CALD1: variants seen among roughly 807,000 people sequenced by gnomAD.
The protein encoded by CALD1 is caldesmon 1.
CALD1 carries 33 observed loss-of-function variants against 99.9 expected under a neutral mutation model. The observed-to-expected ratio is 0.33, with a 90% CI of 0.25 to 0.44. The LOEUF (loss-of-function observed/expected upper bound fraction) is 0.44, where lower values mean the gene tolerates loss of function less well. Ranked by LOEUF, CALD1 falls within the 20% of genes least tolerant of loss-of-function variation. The pLI is 1.00. For synonymous variants in CALD1, 310 were observed against 325.0 expected (o/e 0.95, Z 0.50); for missense variants, 861 against 962.1 (o/e 0.89, Z 1.39).
At chr7:134,778,267 G>A (rs979315685), upstream of CALD1, among the ~76,000 whole-genome samples, 4 of 152,188 alleles carry the variant, frequency 2.6e-5, no homozygotes, top group African/African-American at 7.2e-5. Flanking sequence ...CCAACAGTGC[G>A]AACTGGCTAC....
chr7:134,819,758 C>T lies in CALD1; in HGVS notation c.-129-24126C>T, dbSNP rs149372032. On this transcript the variant is annotated intron_variant, in intron 1 of 14. Coordinates refer to ENST00000361675, the MANE Select transcript of CALD1 (RefSeq NM_033138.4). ...AGATGTGATGGCACGTGCCTGTGGT[C>T]CCAGCTACTTGGGAGGCTGAGGCAG... Among the ~76,000 whole-genome samples, 881 of 152,310 alleles carry T rather than the reference C, an allele frequency of 5.8e-3. 8 individuals are homozygous for T. Among genetic ancestry groups the T allele is most frequent in the Admixed American group, 9.0e-3 (137 of 15,284 alleles).
At chr7:134,747,505 T>C (rs1194385797) in intron 1 of CALD1, among the ~76,000 whole-genome samples, 3 of 152,258 alleles carry the variant, frequency 2.0e-5, no homozygotes, top group Non-Finnish European at 4.4e-5. Context: ...GACCTATTGT[T>C]CGAGACAATG....
intron 8 of CALD1, chr7:134,948,141 A>G (rs1488964874): frequency 6.0e-6 from 1 of 167,632 alleles, no homozygotes; most frequent in Non-Finnish European, 1.3e-5. Context: ...GAAAAGGATG[A>G]AAGGTCTGCA....
chr7:134,819,703 A>G (rs991097098), intron 1 of CALD1, among the ~76,000 whole-genome samples: 1 of 152,202 alleles, frequency 6.6e-6, no homozygotes, highest in African/African-American at 2.4e-5. Flanking sequence ...CCCAATGATG[A>G]CTATACGTAA....
intron 1 of CALD1, among the ~76,000 whole-genome samples, chr7:134,767,224 T>TGTGTGTGTGC (rs896456530): frequency 1.4e-4 from 20 of 148,038 alleles, no homozygotes; most frequent in African/African-American, 5.1e-4. Flanking sequence ...TGTGTGTGTG[T>TGTGTGTGTGC]GCGTGTGTGA....
chr7:134,857,453 G>A (rs761701885), intron 2 of CALD1, among the ~76,000 whole-genome samples: 3 of 151,882 alleles, frequency 2.0e-5, no homozygotes, highest in Non-Finnish European at 2.9e-5. Context: ...CACCGCGCCC[G>A]GCCAGTTTTG....
At chr7:134,805,546 C>T (rs1261862308) in intron 1 of CALD1, among the ~76,000 whole-genome samples, 1 of 152,088 alleles carries the variant, frequency 6.6e-6, no homozygotes, top group Non-Finnish European at 1.5e-5. Context: ...TGAGTTTTCT[C>T]TGTGTTCCTG....
At chr7:134,838,867 T>C (rs1234835943) in intron 1 of CALD1, among the ~76,000 whole-genome samples, 1 of 152,256 alleles carries the variant, frequency 6.6e-6, no homozygotes, top group East Asian at 1.9e-4. Flanking sequence ...TCCCTGGAGT[T>C]GTCATCTTTC....
chr7:134,928,718 T>C (rs768159176), intron 3 of CALD1, 36 bp from the exon 4 acceptor site: 3 of 1,599,642 alleles, frequency 1.9e-6, no homozygotes, highest in Non-Finnish European at 2.6e-6. Context: ...ACGTGGCAAG[T>C]GGCACGCTCA....
At position 134,807,383 on chromosome 7, in the gene CALD1, G is replaced by T. The variant is rs184464876; in HGVS notation, c.-130+27634G>T. On this transcript the variant is annotated intron_variant, in intron 1 of 14. Coordinates refer to ENST00000361675, the MANE Select transcript of CALD1 (RefSeq NM_033138.4). Reference sequence around the variant, plus strand: ...TTTTTCCCTATCAGTACTGTTCTGTGTCAAACTTCCTTTTATTACTAGCTA... The same window carrying T: ...TTTTTCCCTATCAGTACTGTTCTGTTTCAAACTTCCTTTTATTACTAGCTA... 1.5e-3 allele frequency among the ~76,000 whole-genome samples: 226 copies of T among 152,214 alleles called. 3 individuals carry two copies. The highest frequency in any genetic ancestry group is 5.0e-3 in the African/African-American group (209 of 41,520).
intron 6 of CALD1, among the ~76,000 whole-genome samples, chr7:134,936,044 G>A (rs1357704219): frequency 2.0e-5 from 3 of 152,056 alleles, no homozygotes; most frequent in African/African-American, 4.8e-5. Flanking sequence ...TTTTTTCTGT[G>A]GGACGTCATC....
intron 9 of CALD1, among the ~76,000 whole-genome samples, chr7:134,952,782 T>C (rs1012752605): frequency 3.9e-5 from 6 of 152,302 alleles, no homozygotes; most frequent in African/African-American, 1.2e-4. Flanking sequence ...TTAGTCTTTA[T>C]GATGGTCTAG....
At position 134,932,714 on chromosome 7, in the gene CALD1, G is replaced by A. The variant is rs78479768; in HGVS notation, c.219-274G>A. ...GGGTGCTGAGGTATCTAAACACTCAGGCTATCAATTTTTGTTTGAAAACTG... is the reference window on the plus strand; with the variant it reads ...GGGTGCTGAGGTATCTAAACACTCAAGCTATCAATTTTTGTTTGAAAACTG... On this transcript the variant is annotated intron_variant, in intron 4 of 14. Coordinates refer to ENST00000361675, the MANE Select transcript of CALD1 (RefSeq NM_033138.4). 1.7e-3 allele frequency among the ~76,000 whole-genome samples: 258 copies of A among 152,268 alleles called. 2 individuals carry two copies. In the East Asian group the frequency reaches 0.044, roughly 26 times the overall value.
chr7:134,915,748 TA>T (rs1256408171), intron 3 of CALD1, among the ~76,000 whole-genome samples: 1 of 152,220 alleles, frequency 6.6e-6, no homozygotes, highest in Non-Finnish European at 1.5e-5. Context: ...TTCACATTTT[TA>T]TAGGGGTCTT....
intron 2 of CALD1, among the ~76,000 whole-genome samples, chr7:134,847,802 A>G (rs1483275227): frequency 2.0e-5 from 3 of 152,250 alleles, no homozygotes; most frequent in African/African-American, 7.2e-5. Flanking sequence ...AGAAAAACAC[A>G]CAACGGTGCC....
At chr7:134,750,993 G>A (rs890491164) in intron 1 of CALD1, among the ~76,000 whole-genome samples, 1 of 152,048 alleles carries the variant, frequency 6.6e-6, no homozygotes, top group Non-Finnish European at 1.5e-5. Flanking sequence ...ATTTTAATCT[G>A]AAGCCCCTTC....
At chr7:134,858,671 G>T (rs1449056568) in intron 2 of CALD1, among the ~76,000 whole-genome samples, 1 of 152,078 alleles carries the variant, frequency 6.6e-6, no homozygotes, top group Non-Finnish European at 1.5e-5. Flanking sequence ...CCAGGTTCAA[G>T]CGATTCTCCT....
At chr7:134,805,117 A>T (rs1181492521) in intron 1 of CALD1, among the ~76,000 whole-genome samples, 2 of 152,186 alleles carry the variant, frequency 1.3e-5, no homozygotes. Context: ...GTGGATTTTT[A>T]TTCATTCTGA....
chr7:134,875,363 C>T (rs755991472), intron 3 of CALD1, among the ~76,000 whole-genome samples: 7 of 152,194 alleles, frequency 4.6e-5, no homozygotes, highest in Non-Finnish European at 8.8e-5. Context: ...TCACTGGGCG[C>T]GGTGGCTCAC....
Sources: allele counts gnomAD v4.1 joint callset (sites outside exome capture counted in the v4.1 genomes callset), GRCh38; gene constraint gnomAD v4.1.1; transcripts MANE v1.5; gene names NCBI Gene and HGNC (gene_info 2026-07-23, HGNC 2026-07-21).